Variants in ALDH1A2 observed in about 807,000 individuals in gnomAD.
ALDH1A2 encodes the protein aldehyde dehydrogenase 1 family member A2, also known as retinal dehydrogenase 2.
ALDH1A2 carries 27 observed loss-of-function variants against 60.3 expected under a neutral mutation model. The ratio of observed to expected loss-of-function variants is 0.45; its 90% CI spans 0.33 to 0.62. The LOEUF (loss-of-function observed/expected upper bound fraction) is 0.62, where lower values mean the gene tolerates loss of function less well. Among genes scored for constraint, ALDH1A2 ranks in the 20% least tolerant of loss-of-function variants. ALDH1A2 has a pLI of 0.02. For synonymous variants in ALDH1A2, 289 were observed against 232.4 expected (o/e 1.24, Z -2.21); for missense variants, 581 against 643.8 (o/e 0.90, Z 1.06).
intron 1 of ALDH1A2, among the ~76,000 whole-genome samples, chr15:58,045,287 C>T (rs1176601053): frequency 6.6e-6 from 1 of 152,032 alleles, no homozygotes; most frequent in African/African-American, 2.4e-5. Flanking sequence ...CACTTTTACA[C>T]TGTTGGTTGG....
chr15:58,045,483 T>G (rs1242950313), intron 1 of ALDH1A2, among the ~76,000 whole-genome samples: 3 of 152,106 alleles, frequency 2.0e-5, no homozygotes, highest in Non-Finnish European at 2.9e-5. Flanking sequence ...AGCAAAGACT[T>G]GGAACCAACC....
chr15:57,969,001 ACAC>A (rs4646617), intron 7 of ALDH1A2, among the ~76,000 whole-genome samples: 58,485 of 151,966 alleles, frequency 0.38, 11,776 homozygotes, highest in Non-Finnish European at 0.46. Flanking sequence ...AACTCGGTAA[ACAC>A]CACAAGGCAA....
rs1260377776 is a variant in ALDH1A2, at chr15:57,954,341, G to A, written c.*856C>T. ...CATTATCAAATTCTTGGGCCTACTC[G>A]GATTGTTTTTTGGTTGGTTCTAAGA... On this transcript the variant is annotated 3_prime_UTR_variant, in exon 13 of 13. Transcript: ENST00000249750. 1 of 152,680 alleles carries A rather than the reference G, an allele frequency of 6.5e-6. No homozygotes were observed. Among genetic ancestry groups the A allele is most frequent in the Non-Finnish European group, 1.5e-5 (1 of 68,030 alleles). The allele number at this position is 152,680 out of a possible 1,614,324, so 9.5% of individuals were successfully genotyped here.
intron 1 of ALDH1A2, among the ~76,000 whole-genome samples, chr15:58,054,442 A>T (rs1366980555): frequency 6.6e-6 from 1 of 152,124 alleles, no homozygotes. Context: ...GTGTTGCTGA[A>T]ACTCAAAGTT....
intron 4 of ALDH1A2, among the ~76,000 whole-genome samples, chr15:58,007,797 G>GA (rs4646599): frequency 0.44 from 62,571 of 142,398 alleles, 14,108 homozygotes; most frequent in South Asian, 0.71. Context: ...ACTTCACTGT[G>GA]AAAAAAAAAA....
At chr15:57,985,067 G>GTA (rs1275619943) in intron 7 of ALDH1A2, among the ~76,000 whole-genome samples, 1 of 152,100 alleles carries the variant, frequency 6.6e-6, no homozygotes, top group Non-Finnish European at 1.5e-5. Flanking sequence ...TAAGATGTTG[G>GTA]TATATAGTTT....
At chr15:58,032,056 G>A (rs1343113880) in intron 1 of ALDH1A2, among the ~76,000 whole-genome samples, 10 of 152,000 alleles carry the variant, frequency 6.6e-5, no homozygotes, top group Admixed American at 1.3e-4. Flanking sequence ...ACATGCACAC[G>A]TATGTTTATC....
At chr15:58,060,700 G>C (rs1418110075) in intron 1 of ALDH1A2, among the ~76,000 whole-genome samples, 1 of 152,126 alleles carries the variant, frequency 6.6e-6, no homozygotes. Flanking sequence ...ATTATAGTCA[G>C]AAAGCTGCCG....
At chr15:58,065,407 C>T in intron 1 of ALDH1A2, 127 bp downstream of exon 1, 1 of 863,908 alleles carries the variant, frequency 1.2e-6, no homozygotes. Context: ...TCTGCTGCGC[C>T]GGGATGACAG....
At position 58,026,437 on chromosome 15, in the gene ALDH1A2, C is replaced by T. The variant is rs530289786; in HGVS notation, c.118-12156G>A. Among the ~76,000 whole-genome samples the T allele has an allele frequency of 2.0e-5, 3 of 152,280 alleles. No individual in the cohort carries two copies. In the South Asian group the frequency reaches 6.2e-4, roughly 32 times the overall value. On this transcript the variant is annotated intron_variant, in intron 1 of 12. Transcript: ENST00000249750. ...AAATAGTAAGAGCTCTGGTCTGCAG[C>T]TCCCAGCAAGGTGAACACAGAAGAC...
chr15:58,036,434 AGTCTAAAGAAAT>A (rs1309042473), intron 1 of ALDH1A2, among the ~76,000 whole-genome samples: 2 of 151,818 alleles, frequency 1.3e-5, no homozygotes, highest in Non-Finnish European at 3.0e-5. Context: ...AAAAAATAAT[AGTCTAAAGAAAT>A]GTCTAAAGAA....
At chr15:58,020,400 C>G (rs1895894425) in intron 1 of ALDH1A2, among the ~76,000 whole-genome samples, 1 of 152,100 alleles carries the variant, frequency 6.6e-6, no homozygotes, top group Non-Finnish European at 1.5e-5. Context: ...CTGATATGGT[C>G]AGAAATACAG....
rs34682734 is a variant in ALDH1A2 at position 57,960,536 on chromosome 15, C to T, written c.1484+234G>A. On this transcript the variant is annotated intron_variant, in intron 12 of 12. Coordinates refer to ENST00000249750, the MANE Select transcript of ALDH1A2 (RefSeq NM_003888.4). The stretch of plus-strand genomic sequence containing the variant: ...AACATACTTCTAATCATAGCCTTTA[C>T]TACAGGGAATTAATGGTACATTAAT... Among the ~76,000 whole-genome samples, 4,902 of 152,182 alleles carry T rather than the reference C, an allele frequency of 0.032. 190 individuals are homozygous for T. Among genetic ancestry groups the T allele is most frequent in the African/African-American group, 0.089 (3,714 of 41,510 alleles).
At chr15:57,982,317 T>C (rs796875935) in intron 7 of ALDH1A2, among the ~76,000 whole-genome samples, 33 of 152,302 alleles carry the variant, frequency 2.2e-4, no homozygotes, top group African/African-American at 7.9e-4. Context: ...GATGTTTAAG[T>C]TGTCTAGTTT....
intron 1 of ALDH1A2, among the ~76,000 whole-genome samples, chr15:58,053,661 CCT>C (rs370322282): frequency 1.3e-4 from 20 of 152,126 alleles, no homozygotes; most frequent in African/African-American, 4.1e-4. Context: ...TTTTCTACGC[CCT>C]CTCTTTTTCT....
At chr15:58,009,050 A>G (rs150815141) in intron 4 of ALDH1A2, among the ~76,000 whole-genome samples, 9 of 152,244 alleles carry the variant, frequency 5.9e-5, no homozygotes, top group African/African-American at 2.2e-4. Flanking sequence ...AAGAGCCCCT[A>G]CAATCAGAAA....
At chr15:58,013,529 A>G (rs1221832757) in intron 3 of ALDH1A2, among the ~76,000 whole-genome samples, 1 of 152,108 alleles carries the variant, frequency 6.6e-6, no homozygotes, top group African/African-American at 2.4e-5. Flanking sequence ...GGTCTGCTTC[A>G]AAGTATCCTT....
chr15:57,987,947 G>A (rs1181260653), intron 7 of ALDH1A2, among the ~76,000 whole-genome samples: 1 of 149,632 alleles, frequency 6.7e-6, no homozygotes, highest in African/African-American at 2.5e-5. Flanking sequence ...AAAGCTGAGA[G>A]AAGTCATCAC....
intron 4 of ALDH1A2, among the ~76,000 whole-genome samples, chr15:58,004,290 A>T (rs1315771380): frequency 2.0e-5 from 3 of 151,898 alleles, no homozygotes; most frequent in Non-Finnish European, 4.4e-5. Flanking sequence ...TCTCTAACTG[A>T]TTATCCATTT....
Sources: allele counts gnomAD v4.1 joint callset (sites outside exome capture counted in the v4.1 genomes callset), GRCh38; gene constraint gnomAD v4.1.1; transcripts MANE v1.5; gene names NCBI Gene and HGNC (gene_info 2026-07-23, HGNC 2026-07-21).